The following DAB2IP variants were observed in gnomAD, a reference collection of about 807,000 sequenced individuals.
DAB2IP encodes DAB2 interacting protein, also known as disabled homolog 2-interacting protein.
In DAB2IP, 28 loss-of-function variants were observed where a neutral mutation model predicts 107.2. That is an observed-to-expected ratio of 0.26 (90% CI 0.19 to 0.36). DAB2IP has a LOEUF of 0.36. Ranked by LOEUF, DAB2IP falls within the 10% of genes least tolerant of loss-of-function variation. The pLI, the probability that DAB2IP is intolerant of heterozygous loss-of-function variation, is 1.00. For missense variants in DAB2IP, 1,400 were observed against 1,644.7 expected (o/e 0.85, Z 2.57); for synonymous variants, 755 against 706.4 (o/e 1.07, Z -1.09).
chr9:121,665,089 A>G (rs1370967153), intron 1 of DAB2IP, among the ~76,000 whole-genome samples: 6 of 152,274 alleles, frequency 3.9e-5, no homozygotes, highest in Non-Finnish European at 7.3e-5. Flanking sequence ...AGAAAGTTTC[A>G]AAATGATATG....
chr9:121,751,710 C>T (rs1347947554), intron 3 of DAB2IP: 1 of 154,182 alleles, frequency 6.5e-6, no homozygotes, highest in Non-Finnish European at 1.4e-5. Context: ...GATTATCTTA[C>T]AGGCCATGAG....
intron 1 of DAB2IP, among the ~76,000 whole-genome samples, chr9:121,676,052 C>T (rs1242744922): frequency 6.6e-6 from 1 of 152,218 alleles, no homozygotes; most frequent in Non-Finnish European, 1.5e-5. Flanking sequence ...TGAGGATGAG[C>T]CATGTGGGAA....
intron 1 of DAB2IP, among the ~76,000 whole-genome samples, chr9:121,602,864 C>T (rs1053966741): frequency 5.3e-5 from 8 of 152,120 alleles, no homozygotes; most frequent in Admixed American, 2.6e-4. Flanking sequence ...CGTGAGCCAC[C>T]GCGCCTGGCC....
rs939586258 is a variant in DAB2IP, at chr9:121,776,328, G to A, written c.3251G>A (p.Gly1084Asp). 1 of 1,559,988 alleles carries A rather than the reference G, an allele frequency of 6.4e-7. No homozygotes were observed. The highest frequency in any genetic ancestry group is 8.7e-7 in the Non-Finnish European group (1 of 1,151,920). Residue 1084 changes from glycine to aspartate, a missense_variant, in exon 14 of 16, where the codon GGC (glycine) becomes GAC (aspartate). By Grantham distance (94) the Gly-to-Asp change is moderately conservative. Transcript: ENST00000408936. This position sits in a 1 kb window ranked among gnomAD's most constrained non-coding sequence, Gnocchi z 5.4. The stretch of plus-strand genomic sequence containing the variant: ...GAGTACCAGGCACGGCTGGAGGAGG[G>A]CGAGGAGCGGCTGCGGCGGCAGCAG...
At chr9:121,632,915 C>T (rs1398742016) in intron 1 of DAB2IP, among the ~76,000 whole-genome samples, 3 of 152,194 alleles carry the variant, frequency 2.0e-5, no homozygotes, top group Non-Finnish European at 4.4e-5. Flanking sequence ...TGGGCCTGCT[C>T]ACACTGGGGC....
At chr9:121,685,801 T>A (rs1487930859) in intron 2 of DAB2IP, among the ~76,000 whole-genome samples, 1 of 152,222 alleles carries the variant, frequency 6.6e-6, no homozygotes, top group Non-Finnish European at 1.5e-5. Context: ...TGAAGTAATT[T>A]CCAGGCAGGT....
At chr9:121,601,112 AT>A (rs1830672899) in intron 1 of DAB2IP, among the ~76,000 whole-genome samples, 1 of 152,230 alleles carries the variant, frequency 6.6e-6, no homozygotes, top group Non-Finnish European at 1.5e-5. Flanking sequence ...GCAATGAACT[AT>A]TCAGAATGTA....
At chr9:121,705,266 G>A (rs1830001506) in intron 3 of DAB2IP, among the ~76,000 whole-genome samples, 2 of 152,182 alleles carry the variant, frequency 1.3e-5, no homozygotes, top group African/African-American at 4.8e-5. Flanking sequence ...TTTTGTATGT[G>A]TTGCAAGTGT....
chr9:121,681,261 C>A (rs872253), intron 2 of DAB2IP, among the ~76,000 whole-genome samples: 22,852 of 152,084 alleles, frequency 0.15, 2,023 homozygotes, highest in East Asian at 0.4. Flanking sequence ...TTGCCCCACA[C>A]CCCCCCAGAA....
At chr9:121,741,149 C>T (rs573168550) in intron 3 of DAB2IP, among the ~76,000 whole-genome samples, 25 of 152,316 alleles carry the variant, frequency 1.6e-4, no homozygotes, top group Admixed American at 1.2e-3. Flanking sequence ...TCCCCACATG[C>T]GCACCAGATG....
rs1203704298 is a variant in DAB2IP, at chr9:121,698,840, G to T, written c.229-485G>T. Among the ~76,000 whole-genome samples the T allele has an allele frequency of 6.6e-6, 1 of 152,168 alleles. No individual in the cohort carries two copies. Among genetic ancestry groups the T allele is most frequent in the African/African-American group, 2.4e-5 (1 of 41,448 alleles). ...GAAGGCGCTTTGTCAATCCCCGACG[G>T]GGTGGGGGGGCGTGGATTCCTCCAG... On this transcript the variant is annotated intron_variant, in intron 2 of 15. Transcript: ENST00000408936. This position sits in a 1 kb window ranked among gnomAD's most constrained non-coding sequence, Gnocchi z 4.1.
chr9:121,754,317 G>A (rs969804835), intron 3 of DAB2IP, among the ~76,000 whole-genome samples: 1 of 152,202 alleles, frequency 6.6e-6, no homozygotes, highest in Non-Finnish European at 1.5e-5. Context: ...GAAACGCATA[G>A]GAACGTGAGT....
intron 2 of DAB2IP, among the ~76,000 whole-genome samples, chr9:121,693,159 G>A (rs2118698172): frequency 6.6e-6 from 1 of 152,348 alleles, no homozygotes; most frequent in East Asian, 1.9e-4. Context: ...ACTGGGCAAG[G>A]AGCAGGGGAC....
At chr9:121,567,762 A>G (rs1467244245) in intron 1 of DAB2IP, among the ~76,000 whole-genome samples, 1 of 152,258 alleles carries the variant, frequency 6.6e-6, no homozygotes, top group East Asian at 1.9e-4. Context: ...TTGGGGGAAA[A>G]GTTGCTCGGG....
chr9:121,656,901 T>C (rs1832994243), intron 1 of DAB2IP, among the ~76,000 whole-genome samples: 1 of 152,186 alleles, frequency 6.6e-6, no homozygotes, highest in Non-Finnish European at 1.5e-5. Context: ...CCTTGCGATA[T>C]CCGTGGGCAG....
intron 3 of DAB2IP, among the ~76,000 whole-genome samples, chr9:121,714,919 G>C (rs1830514512): frequency 6.6e-6 from 1 of 152,200 alleles, no homozygotes; most frequent in Non-Finnish European, 1.5e-5. Context: ...CTTATAGGAG[G>C]GGCTGCCACG....
intron 1 of DAB2IP, among the ~76,000 whole-genome samples, chr9:121,577,157 G>A (rs1410790608): frequency 6.6e-6 from 1 of 152,238 alleles, no homozygotes; most frequent in African/African-American, 2.4e-5. Flanking sequence ...GACAGACACA[G>A]AGAAGAAGCT....
At chr9:121,746,039 T>G (rs1832702320) in intron 3 of DAB2IP, among the ~76,000 whole-genome samples, 1 of 152,078 alleles carries the variant, frequency 6.6e-6, no homozygotes, top group South Asian at 2.1e-4. Context: ...GGTGAGGTGG[T>G]CTGGGGTCAG....
chr9:121,596,872 C>G (rs1485791969), intron 1 of DAB2IP, among the ~76,000 whole-genome samples: 1 of 152,236 alleles, frequency 6.6e-6, no homozygotes, highest in Non-Finnish European at 1.5e-5. Flanking sequence ...GGACAGTTCT[C>G]CAGACTCCAG....
Sources: gnomAD v4.1 joint callset for allele counts (sites outside exome capture counted in the v4.1 genomes callset) on GRCh38, gnomAD v4.1.1 for gene constraint, Gnocchi (gnomAD v3.1) non-coding constraint, MANE v1.5 for transcripts, NCBI Gene and HGNC (gene_info 2026-07-23, HGNC 2026-07-21) for gene names.